NOTCH4: variants seen among roughly 807,000 people sequenced by gnomAD.
NOTCH4 encodes the protein neurogenic locus notch homolog protein 4.
NOTCH4 carries 138 observed loss-of-function variants against 189.0 expected under a neutral mutation model. The observed-to-expected ratio is 0.73, with a 90% CI of 0.64 to 0.84. NOTCH4 has a LOEUF of 0.84. Among genes scored for constraint, NOTCH4 ranks in the 40% least tolerant of loss-of-function variants. The pLI is 0.00. For missense variants in NOTCH4, 2,286 were observed against 2,605.4 expected, an observed-to-expected ratio of 0.88 and a Z score of 2.67; for synonymous variants, 942 against 1,032.8, an observed-to-expected ratio of 0.91 and a Z score of 1.69.
Position 32,198,653 on chromosome 6 carries a change from C to A in NOTCH4, c.4613G>T (p.Gly1538Val). 1 of 1,611,766 alleles carries A rather than the reference C, an allele frequency of 6.2e-7. No individual in the cohort carries two copies. Reference protein sequence around the residue: ...CSGPEEGEEVGQAEETGPPST... With the variant: ...CSGPEEGEEVVQAEETGPPST... ...TTCTTGCCCCAGCCCTTTCACCTGGCCCACCTCCTCTCCCTCCTCAGGGCC... is the reference window on the plus strand; with the variant it reads ...TTCTTGCCCCAGCCCTTTCACCTGGACCACCTCCTCTCCCTCCTCAGGGCC... Residue 1538 changes from glycine to valine, a missense_variant, in exon 25 of 30, where the codon GGC (glycine) becomes GTC (valine). This residue lies in a region of NOTCH4 where 1,903 missense variants were observed against 2,261.9 expected (regional missense o/e 0.84). Transcript: ENST00000375023. The surrounding 1 kb of genome is among the most constrained non-coding windows in gnomAD (Gnocchi z 5.5).
Position 32,212,355 on chromosome 6 carries a change from G to T in NOTCH4, c.2680+119C>A. ...AATCAAGAACTGATTTGTCTGTGTG[G>T]TTTTGATTCTCAGATGGTTGTTTTG... On this transcript the variant is annotated intron_variant, in intron 17 of 29. Transcript: ENST00000375023. The surrounding 1 kb of genome is among the most constrained non-coding windows in gnomAD (Gnocchi z 4.4). 2 of 915,598 alleles carry T rather than the reference G, an allele frequency of 2.2e-6. No individual in the cohort carries two copies. The highest frequency in any genetic ancestry group is 1.6e-5 in the South Asian group (1 of 60,918). The allele number at this position is 915,598 out of a possible 1,614,324, so 56.7% of individuals were successfully genotyped here. A position where few individuals can be genotyped will look rare whatever the true frequency, so the allele number is the denominator to read the frequency against.
chr6:32,204,424 G>T, intron 18 of NOTCH4, 35 bp from the exon 19 acceptor site: 4 of 1,603,530 alleles, frequency 2.5e-6, no homozygotes, highest in Non-Finnish European at 3.4e-6. Context: ...GGAACCAGTG[G>T]ATGAGCCCAA....
At position 32,210,273 on chromosome 6, in the gene NOTCH4, G is replaced by C. The variant is rs765579720; in HGVS notation, c.2865+479C>G. Among the ~76,000 whole-genome samples the C allele has an allele frequency of 8.6e-4, 131 of 152,282 alleles. No homozygotes were observed. Among genetic ancestry groups the C allele is most frequent in the Admixed American group, 3.4e-3 (52 of 15,292 alleles). ...AGTCAGCAGCAGTTTCATGTTGCTG[G>C]AGCAGAGAGTAGAAGGGTGGGATGG... On this transcript the variant is annotated intron_variant, in intron 18 of 29. Coordinates refer to ENST00000375023, the MANE Select transcript of NOTCH4 (RefSeq NM_004557.4). The surrounding 1 kb of genome is among the most constrained non-coding windows in gnomAD (Gnocchi z 4.8).
chr6:32,196,964 T>A lies in NOTCH4; in HGVS notation c.5161A>T (p.Ile1721Phe). ...GCCCCCACGTCTGCTTGGGCTGCAATCAGTTCTTCAACCAGGTCTTCCACC... is the reference window on the plus strand; with the variant it reads ...GCCCCCACGTCTGCTTGGGCTGCAAACAGTTCTTCAACCAGGTCTTCCACC... ...LAVEDLVEEL[I>F]AAQADVGARD... The change falls in exon 28 of 30, where the codon ATT becomes TTT. Residue 1721 changes from isoleucine to phenylalanine, a missense_variant. Physicochemically the swap from Ile to Phe is conservative, Grantham distance 21. Transcript: ENST00000375023. 3 of 1,612,898 alleles carry A rather than the reference T, an allele frequency of 1.9e-6. No individual in the cohort carries two copies. Among genetic ancestry groups the A allele is most frequent in the Non-Finnish European group, 2.5e-6 (3 of 1,179,990 alleles).
rs1164072534 is a variant in NOTCH4 at position 32,210,371 on chromosome 6, C to T, written c.2865+381G>A. 1.3e-5 allele frequency among the ~76,000 whole-genome samples: 2 copies of T among 152,048 alleles called. No homozygotes were observed. The highest frequency in any genetic ancestry group is 2.9e-5 in the Non-Finnish European group (2 of 68,012). ...TGGACTTTATTCAGAATGAGGCGGG[C>T]AGCCTCCGAAGGTTCAGCAGGGGAG... On this transcript the variant is annotated intron_variant, in intron 18 of 29. Transcript: ENST00000375023. The surrounding 1 kb of genome is among the most constrained non-coding windows in gnomAD (Gnocchi z 4.8).
In NOTCH4 at chr6:32,196,895, A is replaced by T. The variant is rs750527905; in HGVS notation, c.5200+30T>A. 4 of 1,612,170 alleles carry T rather than the reference A, an allele frequency of 2.5e-6. No homozygotes were observed. In the South Asian group the frequency reaches 3.3e-5, roughly 13 times the overall value. ...CCCACCCCATCTGCTCAACTTCTCT[A>T]TAGCATACATCACCCCTTCCTCTAC... On this transcript the variant is annotated intron_variant, in intron 28 of 29. Coordinates refer to ENST00000375023, the MANE Select transcript of NOTCH4 (RefSeq NM_004557.4).
In NOTCH4 at chr6:32,214,231, A is replaced by C. The variant is rs745520340; in HGVS notation, c.2046T>G (p.Gly682=). 111 of 1,613,374 alleles carry C rather than the reference A, an allele frequency of 6.9e-5. No homozygotes were observed. Among genetic ancestry groups the C allele is most frequent in the South Asian group, 4.1e-4 (37 of 91,004 alleles). Residue 682 remains glycine, a synonymous_variant, in exon 13 of 30, where the codon GGT becomes GGG. Transcript: ENST00000375023. ...CQRSSCVCDV[G]WTGPECEAEL... is the part of the protein sequence containing the mutation. ...CTGCCTCACACTCTGGCCCCGTCCA[A>C]CCCACGTCACACACACATGAGGATC...
Position 32,217,246 on chromosome 6 carries a change from C to G in NOTCH4, c.1645G>C (p.Glu549Gln), listed in dbSNP as rs762392289. 3 of 1,612,908 alleles carry G rather than the reference C, an allele frequency of 1.9e-6. No homozygotes were observed. The highest frequency in any genetic ancestry group is 2.5e-6 in the Non-Finnish European group (3 of 1,179,894). ...CTTCTGCACTCATCGATATCCTCCT[C>G]ACATCGGGTGCCGGAGAATCCTGGT... ...CLPGFSGTRC[E>Q]EDIDECRSSP... is the part of the protein sequence containing the mutation. Residue 549 changes from glutamate (E) to glutamine (Q), a missense_variant, in exon 10 of 30, where the codon GAG becomes CAG. Glu to Gln is a conservative substitution (Grantham distance 29). Transcript: ENST00000375023. The surrounding 1 kb of genome is among the most constrained non-coding windows in gnomAD (Gnocchi z 4.2).
rs1788284594 is a variant in NOTCH4 at position 32,200,745 on chromosome 6, T to C, written c.4315+86A>G. 3.5e-6 allele frequency: 4 copies of C among 1,150,184 alleles called. No individual in the cohort carries two copies. The highest frequency in any genetic ancestry group is 4.8e-6 in the Non-Finnish European group (4 of 825,160). The allele number at this position is 1,150,184 out of a possible 1,614,324, so 71.2% of individuals were successfully genotyped here. On this transcript the variant is annotated intron_variant, in intron 23 of 29. Coordinates refer to ENST00000375023, the MANE Select transcript of NOTCH4 (RefSeq NM_004557.4). This position sits in a 1 kb window ranked among gnomAD's most constrained non-coding sequence, Gnocchi z 5.0. Reference sequence around the variant, plus strand: ...AGAACATTTTCAGTCTCAGCTGTCCTGTTTGATTCAGCCTCCATTGCCTGT... The same window carrying C: ...AGAACATTTTCAGTCTCAGCTGTCCCGTTTGATTCAGCCTCCATTGCCTGT...
At chr6:32,213,584 G>T in intron 14 of NOTCH4, 104 bp downstream of exon 14, 2 of 1,330,680 alleles carry the variant, frequency 1.5e-6, no homozygotes, top group Non-Finnish European at 2.1e-6. Flanking sequence ...TGTTTCCCAG[G>T]CTGGTCTGTT....
rs761193848 is a variant in NOTCH4, at chr6:32,198,430, G to A, written c.4747C>T (p.Arg1583Cys). The change falls in exon 26 of 30, where the codon CGT (arginine) becomes TGT (cysteine). Residue 1583 changes from arginine (R) to cysteine (C), a missense_variant. Physicochemically the swap from Arg to Cys is radical, Grantham distance 180. This residue lies in a region of NOTCH4 where 1,903 missense variants were observed against 2,261.9 expected (regional missense o/e 0.84). Transcript: ENST00000375023. The surrounding 1 kb of genome is among the most constrained non-coding windows in gnomAD (Gnocchi z 5.5). The stretch of plus-strand genomic sequence containing the variant: ...GGGTTGACTCACATACCAGGTCCAC[G>A]GGTGTCCAGGTCAGGGGCTTCCATC... ...SEMEAPDLDT[R>C]GPDGVTPLMS... is the part of the protein sequence containing the mutation. 11 of 1,612,244 alleles carry A rather than the reference G, an allele frequency of 6.8e-6. No individual in the cohort carries two copies. Among genetic ancestry groups the A allele is most frequent in the Admixed American group, 3.3e-5 (2 of 59,920 alleles).
In NOTCH4 at chr6:32,198,702, C is replaced by G. The variant is rs777832615; in HGVS notation, c.4564G>C (p.Glu1522Gln). 2 of 1,612,538 alleles carry G rather than the reference C, an allele frequency of 1.2e-6. No homozygotes were observed. Among genetic ancestry groups the G allele is most frequent in the Non-Finnish European group, 1.7e-6 (2 of 1,179,776 alleles). The change falls in exon 25 of 30, where the codon GAG becomes CAG. Residue 1522 changes from glutamate (E) to glutamine (Q), a missense_variant. By Grantham distance (29) the Glu-to-Gln change is conservative (BLOSUM62 2). This residue lies in a region of NOTCH4 where 1,903 missense variants were observed against 2,261.9 expected (regional missense o/e 0.84). Coordinates refer to ENST00000375023, the MANE Select transcript of NOTCH4 (RefSeq NM_004557.4). The surrounding 1 kb of genome is among the most constrained non-coding windows in gnomAD (Gnocchi z 5.5). ...KALKPKAEVD[E>Q]DGVVMCSGPE... The stretch of plus-strand genomic sequence containing the variant: ...CCTGAGCACATCACAACTCCATCCT[C>G]ATCAACTTCTGCCTTTGGCTTCAGT...
chr6:32,216,820 T>G (rs1429697868), intron 11 of NOTCH4, 125 bp downstream of exon 11: 4 of 1,211,086 alleles, frequency 3.3e-6, no homozygotes, highest in Non-Finnish European at 4.9e-6. Flanking sequence ...ACTAAATAAC[T>G]TTAAAGGATA....
At position 32,195,908 on chromosome 6, in the gene NOTCH4, T is replaced by C; in HGVS notation, c.5541A>G (p.Ser1847=). 1.3e-6 allele frequency: 2 copies of C among 1,587,526 alleles called. No individual in the cohort carries two copies. Among genetic ancestry groups the C allele is most frequent in the Non-Finnish European group, 1.7e-6 (2 of 1,174,422 alleles). The part of the protein sequence containing the change: ...AGPFPRARTV[S]VSVPPHGGGA... Reference sequence around the variant, plus strand: ...CGCCCCCATGCGGGGGCACGCTTACTGACACCGTCCGTGCGCGCGGGAAGG... The same window carrying C: ...CGCCCCCATGCGGGGGCACGCTTACCGACACCGTCCGTGCGCGCGGGAAGG... Residue 1847 remains serine (S), a synonymous_variant, in exon 30 of 30, where the codon TCA becomes TCG. Transcript: ENST00000375023. The surrounding 1 kb of genome is among the most constrained non-coding windows in gnomAD (Gnocchi z 5.4).
chr6:32,203,962 C>T (rs542324437), intron 19 of NOTCH4, 80 bp from the exon 20 acceptor site: 2 of 1,441,858 alleles, frequency 1.4e-6, no homozygotes, highest in Non-Finnish European at 1.9e-6. Flanking sequence ...GATGTTGGCC[C>T]AGTGCTAGAT....
Position 32,198,966 on chromosome 6 carries a change from G to A in NOTCH4, c.4495C>T (p.Arg1499Ter), listed in dbSNP as rs961810048. 10 of 1,602,868 alleles carry A rather than the reference G, an allele frequency of 6.2e-6. No homozygotes were observed. The highest frequency in any genetic ancestry group is 8.5e-6 in the Non-Finnish European group (10 of 1,174,118). Residue 1499 changes from arginine (R) to a stop codon, truncating the protein, a stop_gained, in exon 24 of 30, where the codon CGA becomes TGA. Coordinates refer to ENST00000375023, the MANE Select transcript of NOTCH4 (RefSeq NM_004557.4). LOFTEE classifies it high-confidence loss of function. The surrounding 1 kb of genome is among the most constrained non-coding windows in gnomAD (Gnocchi z 5.5). The stretch of plus-strand genomic sequence containing the variant: ...TCCTCGCCTAGTGGGGGCCGGCGTC[G>A]GTGGGGAGCTGACTGAGTCCGAGGC... ...RRPRTQSAPH[R>*]RRPPLGEDSI... is the part of the protein sequence containing the mutation.
Position 32,212,514 on chromosome 6 carries a change from G to A in NOTCH4, c.2640C>T (p.Asn880=). The A allele has an allele frequency of 1.9e-6, 3 of 1,613,086 alleles. No homozygotes were observed. Among genetic ancestry groups the A allele is most frequent in the Non-Finnish European group, 1.7e-6 (2 of 1,179,938 alleles). The change falls in exon 17 of 30, where the codon AAC becomes AAT. Residue 880 remains asparagine, a synonymous_variant. Transcript: ENST00000375023. The surrounding 1 kb of genome is among the most constrained non-coding windows in gnomAD (Gnocchi z 4.4). The part of the protein sequence containing the change: ...CLQGWTGPLC[N]LPLSSCQKAA... Reference sequence around the variant, plus strand: ...CCTTCTGGCAGGAGGACAGTGGAAGGTTGCAGAGAGGCCCGGTCCATCCCT... The same window carrying A: ...CCTTCTGGCAGGAGGACAGTGGAAGATTGCAGAGAGGCCCGGTCCATCCCT...
At position 32,195,862 on chromosome 6, in the gene NOTCH4, T is replaced by A. The variant is rs1208783268; in HGVS notation, c.5587A>T (p.Thr1863Ser). The change falls in exon 30 of 30, where the codon ACG (threonine) becomes TCG (serine). Residue 1863 changes from threonine to serine, a missense_variant. Physicochemically the swap from Thr to Ser is moderately conservative, Grantham distance 58 (BLOSUM62 1). Around this residue, in one of 2 missense-constraint regions of NOTCH4, gnomAD observed 383 missense variants for 343.5 expected, o/e 1.11. Transcript: ENST00000375023. The surrounding 1 kb of genome is among the most constrained non-coding windows in gnomAD (Gnocchi z 5.4). ...HGGGALPRCR[T>S]LSAGAGPRGG... ...CGAGGGCCTGCTCCGGCTGACAGCGTCCGGCAGCGCGGCAGAGCCCCGCCC... is the reference window on the plus strand; with the variant it reads ...CGAGGGCCTGCTCCGGCTGACAGCGACCGGCAGCGCGGCAGAGCCCCGCCC... 7 of 1,595,584 alleles carry A rather than the reference T, an allele frequency of 4.4e-6. No individual in the cohort carries two copies. The highest frequency in any genetic ancestry group is 2.7e-5 in the African/African-American group (2 of 74,938).
chr6:32,205,522 G>A (rs191764823), intron 18 of NOTCH4, among the ~76,000 whole-genome samples: 27 of 139,940 alleles, frequency 1.9e-4, no homozygotes, highest in African/African-American at 5.4e-4. Flanking sequence ...TACTCTAGCC[G>A]GGGCAACAGA....
Sources: allele counts gnomAD v4.1 joint callset (sites outside exome capture counted in the v4.1 genomes callset), GRCh38; gene constraint gnomAD v4.1.1; regional missense constraint gnomAD v4.1.1; non-coding constraint Gnocchi (gnomAD v3.1); transcripts MANE v1.5; gene names NCBI Gene and HGNC (gene_info 2026-07-23, HGNC 2026-07-21).